Variants in LRRC37A2 observed in about 807,000 individuals in gnomAD.
LRRC37A2 encodes leucine rich repeat containing 37 member A2.
LRRC37A2 carries 9 observed loss-of-function variants against 68.8 expected under a neutral mutation model. The ratio of observed to expected loss-of-function variants is 0.13; its 90% confidence interval spans 0.08 to 0.23. The LOEUF is 0.23. Ranked by LOEUF, LRRC37A2 falls within the 10% of genes least tolerant of loss-of-function variation. The probability of loss-of-function intolerance (pLI) is 1.00; values close to 1 mark genes in which losing one functional copy is unlikely to be tolerated. For synonymous variants in LRRC37A2, 63 were observed against 367.6 expected, an observed-to-expected ratio of 0.17 and a Z score of 9.48; for missense variants, 168 against 950.4, an observed-to-expected ratio of 0.18 and a Z score of 10.82.
chr17:46,865,802 C>T, the LRRC37A2 span, among the ~76,000 whole-genome samples: 5 of 152,062 alleles, frequency 3.3e-5, no homozygotes, highest in Admixed American at 6.6e-5. Flanking sequence ...GTAGAGACAA[C>T]GTCTCACTTA....
At chr17:46,720,172 A>G in the LRRC37A2 span, among the ~76,000 whole-genome samples, 1 of 152,220 alleles carries the variant, frequency 6.6e-6, no homozygotes, top group Non-Finnish European at 1.5e-5. Context: ...TAACATCCTA[A>G]TATATAATGT....
chr17:46,761,936 C>T, the LRRC37A2 span, among the ~76,000 whole-genome samples: 1 of 152,206 alleles, frequency 6.6e-6, no homozygotes, highest in Admixed American at 6.5e-5. Flanking sequence ...CTACCCAAAC[C>T]CAAACCCAAC....
At chr17:46,907,106 G>A in the LRRC37A2 span, among the ~76,000 whole-genome samples, 1 of 152,316 alleles carries the variant, frequency 6.6e-6, no homozygotes, top group African/African-American at 2.4e-5. Flanking sequence ...CCGGGAGTAC[G>A]TATCCTAGAA....
the LRRC37A2 span, among the ~76,000 whole-genome samples, chr17:46,960,895 A>G: frequency 4.6e-5 from 7 of 152,354 alleles, no homozygotes; most frequent in South Asian, 1.2e-3. Context: ...ATGAAGGAGT[A>G]TCTCGATTGT....
At chr17:46,493,789 G>A in the LRRC37A2 span, among the ~76,000 whole-genome samples, 16 of 150,564 alleles carry the variant, frequency 1.1e-4, no homozygotes, top group African/African-American at 3.2e-4. Flanking sequence ...CTCCTGCCTC[G>A]GCCTCCCAAA....
At chr17:46,788,488 T>A in the LRRC37A2 span, among the ~76,000 whole-genome samples, 550 of 152,314 alleles carry the variant, frequency 3.6e-3, 5 homozygotes, top group African/African-American at 0.013. Flanking sequence ...CCAGCCCTCT[T>A]GTTCGCTTCT....
the LRRC37A2 span, among the ~76,000 whole-genome samples, chr17:46,801,528 G>A: frequency 7.9e-5 from 12 of 152,200 alleles, no homozygotes; most frequent in African/African-American, 2.9e-4. Flanking sequence ...GCTGGGGCAG[G>A]AGAATAGCTT....
chr17:46,746,657 A>G, the LRRC37A2 span, among the ~76,000 whole-genome samples: 1 of 152,140 alleles, frequency 6.6e-6, no homozygotes, highest in African/African-American at 2.4e-5. Context: ...AAACTTTTTT[A>G]GTAATGTGTT....
At chr17:46,886,805 CT>C in the LRRC37A2 span, 3 of 153,588 alleles carry the variant, frequency 2.0e-5, no homozygotes, top group Non-Finnish European at 2.9e-5. Flanking sequence ...GCAACAGCAT[CT>C]GTTTTTTTTG....
the LRRC37A2 span, chr17:46,941,761 T>A: frequency 5.4e-6 from 1 of 184,790 alleles, no homozygotes; most frequent in Non-Finnish European, 1.0e-5. Context: ...TTTTTTGTAT[T>A]TTTTAGTAGA....
At chr17:46,926,304 G>T in the LRRC37A2 span, among the ~76,000 whole-genome samples, 1 of 152,266 alleles carries the variant, frequency 6.6e-6, no homozygotes, top group East Asian at 1.9e-4. Flanking sequence ...ATGCTGTGTA[G>T]GTTACACAGC....
chr17:46,885,314 T>C, the LRRC37A2 span: 2 of 254,494 alleles, frequency 7.9e-6, no homozygotes, highest in African/African-American at 4.8e-5. Context: ...CCAGCATTTT[T>C]TTTTTTGAGA....
chr17:46,738,262 A>G, the LRRC37A2 span, among the ~76,000 whole-genome samples: 1 of 152,030 alleles, frequency 6.6e-6, no homozygotes, highest in Non-Finnish European at 1.5e-5. Flanking sequence ...GTACAATATG[A>G]TACTTGAGAA....
At chr17:46,457,761 G>A in the LRRC37A2 span, among the ~76,000 whole-genome samples, 4 of 99,944 alleles carry the variant, frequency 4.0e-5, no homozygotes, top group Non-Finnish European at 9.4e-5. Flanking sequence ...TAAATAATGC[G>A]TATTAGCTCT....
chr17:46,774,184 T>C, the LRRC37A2 span, among the ~76,000 whole-genome samples: 1 of 152,168 alleles, frequency 6.6e-6, no homozygotes, highest in Non-Finnish European at 1.5e-5. Flanking sequence ...TGCAAAGCCA[T>C]GAAAAGAGGT....
the LRRC37A2 span, among the ~76,000 whole-genome samples, chr17:46,835,340 T>G: frequency 6.6e-6 from 1 of 152,064 alleles, no homozygotes; most frequent in African/African-American, 2.4e-5. Context: ...GCCTCCCGAG[T>G]AGCTGGGACT....
the LRRC37A2 span, among the ~76,000 whole-genome samples, chr17:46,957,151 A>T: frequency 6.6e-6 from 1 of 152,172 alleles, no homozygotes; most frequent in African/African-American, 2.4e-5. Context: ...TCTACAAAAA[A>T]TACAAAAATT....
the LRRC37A2 span, among the ~76,000 whole-genome samples, chr17:46,803,555 T>A: frequency 2.6e-5 from 4 of 152,090 alleles, no homozygotes; most frequent in South Asian, 8.3e-4. Context: ...AGTTAAACAA[T>A]CATTCTATCC....
the LRRC37A2 span, chr17:46,711,008 G>T: frequency 1.9e-5 from 31 of 1,596,420 alleles, no homozygotes; most frequent in Non-Finnish European, 2.2e-5. Flanking sequence ...CATTATGAAC[G>T]GTATCATCAA....
Sources: allele counts gnomAD v4.1 joint callset (sites outside exome capture counted in the v4.1 genomes callset), GRCh38; gene constraint gnomAD v4.1.1; transcripts MANE v1.5; gene names NCBI Gene and HGNC (gene_info 2026-07-23, HGNC 2026-07-21).